The following DCLK2 variants were observed in gnomAD, a reference collection of about 807,000 sequenced individuals.
DCLK2 encodes the protein serine/threonine-protein kinase DCLK2.
A neutral mutation model predicts 78.4 loss-of-function variants in DCLK2; 31 were observed. That is an observed-to-expected ratio of 0.40 (90% CI 0.30 to 0.53). The LOEUF is 0.53. Among genes scored for constraint, DCLK2 ranks in the 20% least tolerant of loss-of-function variants. The pLI is 0.61. For synonymous variants in DCLK2, 407 were observed against 374.9 expected (o/e 1.09, Z -0.99); for missense variants, 872 against 973.7 (o/e 0.90, Z 1.39).
intron 2 of DCLK2, among the ~76,000 whole-genome samples, chr4:150,186,495 T>G (rs1160905472): frequency 6.6e-6 from 1 of 152,202 alleles, no homozygotes; most frequent in Non-Finnish European, 1.5e-5. Context: ...TTGTAACATT[T>G]TAAACTGAAA....
chr4:150,203,602 G>T (rs1440804695), intron 4 of DCLK2, among the ~76,000 whole-genome samples, 193 bp from the exon 5 acceptor site: 91 of 142,020 alleles, frequency 6.4e-4, no homozygotes, highest in African/African-American at 1.9e-3. Context: ...GTTTCACTCT[G>T]TTTTTTTTTT....
At chr4:150,136,565 C>A (rs1022326355) in intron 2 of DCLK2, among the ~76,000 whole-genome samples, 23 of 152,162 alleles carry the variant, frequency 1.5e-4, no homozygotes, top group African/African-American at 5.6e-4. Flanking sequence ...TTGGAAAAGT[C>A]ACTGTGAGCA....
At chr4:150,245,199 T>C (rs1743210868) in intron 12 of DCLK2, among the ~76,000 whole-genome samples, 2 of 152,136 alleles carry the variant, frequency 1.3e-5, no homozygotes, top group Non-Finnish European at 2.9e-5. Context: ...AAAGAAAACA[T>C]TTTGACACTA....
At position 150,079,228 on chromosome 4, in the gene DCLK2, G is replaced by A. The variant is rs1160019477; in HGVS notation, c.201G>A (p.Ser67=). The part of the protein sequence containing the change: ...YRTRTLQALS[S]EKKAKKARFY... ...CGCGGACCCTGCAGGCCCTCAGCTC[G>A]GAGAAGAAGGCCAAGAAGGCGCGCT... Residue 67 remains serine, a synonymous_variant, in exon 1 of 16, where the codon TCG becomes TCA. Transcript: ENST00000296550. 6.2e-7 allele frequency: 1 copy of A among 1,610,624 alleles called. No individual in the cohort carries two copies. Among genetic ancestry groups the A allele is most frequent in the Non-Finnish European group, 8.5e-7 (1 of 1,178,558 alleles).
At chr4:150,214,733 G>A (rs1190618825) in intron 5 of DCLK2, among the ~76,000 whole-genome samples, 1 of 151,980 alleles carries the variant, frequency 6.6e-6, no homozygotes, top group Non-Finnish European at 1.5e-5. Context: ...AGGCCAAGGT[G>A]GGTGGATCAC....
intron 5 of DCLK2, among the ~76,000 whole-genome samples, chr4:150,216,868 T>C (rs4235234): frequency 0.94 from 143,449 of 152,146 alleles, 67,719 homozygotes; most frequent in Middle Eastern, 0.97. Flanking sequence ...TTGCCACTGT[T>C]AAATACAATG....
chr4:150,199,007 G>T, intron 4 of DCLK2: 2 of 1,581,158 alleles, frequency 1.3e-6, no homozygotes, highest in Non-Finnish European at 1.7e-6. Context: ...CTTCTACTCT[G>T]TGTATACTGC....
intron 2 of DCLK2, among the ~76,000 whole-genome samples, chr4:150,168,118 C>T (rs970037306): frequency 1.3e-5 from 2 of 152,046 alleles, no homozygotes; most frequent in South Asian, 2.1e-4. Flanking sequence ...CCAAGGCGGG[C>T]GGATCACGAG....
intron 5 of DCLK2, among the ~76,000 whole-genome samples, chr4:150,205,844 G>A (rs532287676): frequency 6.6e-6 from 1 of 152,334 alleles, no homozygotes; most frequent in African/African-American, 2.4e-5. Context: ...CCTTTCCAGT[G>A]AGCCACATGC....
chr4:150,203,749 G>C, intron 4 of DCLK2, 46 bp from the exon 5 acceptor site: 1 of 1,491,442 alleles, frequency 6.7e-7, no homozygotes, highest in South Asian at 1.1e-5. Flanking sequence ...TCTGGTTGTT[G>C]TGGGTTTTAA....
chr4:150,234,522 G>A (rs567646076), intron 10 of DCLK2, among the ~76,000 whole-genome samples: 1 of 152,338 alleles, frequency 6.6e-6, no homozygotes, highest in Non-Finnish European at 1.5e-5. Context: ...AATAACTGTT[G>A]AAAGGAATAT....
chr4:150,221,696 C>G lies in DCLK2; in HGVS notation c.1152C>G (p.Cys384Trp). The stretch of plus-strand genomic sequence containing the variant: ...TTGCAGGTGTGAATGGAAACAGATG[C>G]TCTGAATCATCAACTCTTCTTGAGA... Reference protein sequence around the residue: ...ISPEGVNGNRCSESSTLLEKY... With the variant: ...ISPEGVNGNRWSESSTLLEKY... Residue 384 changes from cysteine to tryptophan, a missense_variant, in exon 7 of 16, where the codon TGC (cysteine) becomes TGG (tryptophan). By Grantham distance (215) the Cys-to-Trp change is radical. Transcript: ENST00000296550. 1 of 1,597,978 alleles carries G rather than the reference C, an allele frequency of 6.3e-7. No individual in the cohort carries two copies. The highest frequency in any genetic ancestry group is 8.5e-7 in the Non-Finnish European group (1 of 1,174,266).
chr4:150,144,048 A>G (rs559972797), intron 2 of DCLK2, among the ~76,000 whole-genome samples: 1 of 152,202 alleles, frequency 6.6e-6, no homozygotes, highest in African/African-American at 2.4e-5. Flanking sequence ...TAGATTAATT[A>G]AGTCACATTT....
chr4:150,111,412 T>G (rs1731684949), intron 2 of DCLK2, among the ~76,000 whole-genome samples: 2 of 152,238 alleles, frequency 1.3e-5, no homozygotes, highest in African/African-American at 2.4e-5. Context: ...TGCAAATATT[T>G]TCTCCTGTTG....
At chr4:150,134,833 GT>G (rs200415145) in intron 2 of DCLK2, among the ~76,000 whole-genome samples, 6 of 151,948 alleles carry the variant, frequency 3.9e-5, no homozygotes, top group African/African-American at 1.5e-4. Flanking sequence ...TGTTGTTGTT[GT>G]TGTTTGTTTG....
At chr4:150,239,652 A>G (rs943079666) in intron 10 of DCLK2, 90 bp from the exon 11 acceptor site, 1 of 1,471,552 alleles carries the variant, frequency 6.8e-7, no homozygotes, top group Admixed American at 2.0e-5. Flanking sequence ...TAGTAAATGT[A>G]TTTGTGTCCT....
chr4:150,222,256 G>A (rs572488447), intron 7 of DCLK2, among the ~76,000 whole-genome samples: 2 of 152,124 alleles, frequency 1.3e-5, no homozygotes, highest in Non-Finnish European at 2.9e-5. Context: ...TATCCAGCAG[G>A]GATCAGCCAT....
At chr4:150,219,600 G>A (rs1305552809) in intron 5 of DCLK2, among the ~76,000 whole-genome samples, 1 of 152,130 alleles carries the variant, frequency 6.6e-6, no homozygotes, top group Non-Finnish European at 1.5e-5. Context: ...TGTGCTAGAT[G>A]ATTTAAGAAA....
chr4:150,161,440 A>C (rs531516119), intron 2 of DCLK2, among the ~76,000 whole-genome samples: 7 of 152,308 alleles, frequency 4.6e-5, no homozygotes, highest in Admixed American at 2.0e-4. Flanking sequence ...CATTACAAAG[A>C]GACAAAATAC....
Sources: allele counts gnomAD v4.1 joint callset (sites outside exome capture counted in the v4.1 genomes callset), GRCh38; gene constraint gnomAD v4.1.1; transcripts MANE v1.5; gene names NCBI Gene and HGNC (gene_info 2026-07-23, HGNC 2026-07-21).